SLC16A7: variants seen among roughly 807,000 people sequenced by gnomAD.
The protein encoded by SLC16A7 is solute carrier family 16 member 7, also known as monocarboxylate transporter 2.
Under a neutral mutation model 34.9 loss-of-function variants are expected in SLC16A7, and 33 were observed. That is an observed-to-expected ratio of 0.94 (90% CI 0.72 to 1.26). The LOEUF is 1.26. Among genes scored for constraint, SLC16A7 ranks in the 50% most tolerant of loss-of-function variants. The pLI, the probability that SLC16A7 is intolerant of heterozygous loss-of-function variation, is 0.00. For missense variants in SLC16A7, 573 were observed against 578.1 expected, an observed-to-expected ratio of 0.99 and a Z score of 0.09; for synonymous variants, 201 against 206.6, an observed-to-expected ratio of 0.97 and a Z score of 0.23.
chr12:59,756,501 T>A (rs11173132), intron 3 of SLC16A7, among the ~76,000 whole-genome samples: 6,995 of 151,916 alleles, frequency 0.046, 398 homozygotes, highest in East Asian at 0.18. Context: ...AAAACACATG[T>A]AAAAATGCTC....
chr12:59,698,405 A>G (rs894412585), intron 2 of SLC16A7, among the ~76,000 whole-genome samples: 2 of 151,666 alleles, frequency 1.3e-5, no homozygotes, highest in Non-Finnish European at 3.0e-5. Flanking sequence ...TATTTACTGC[A>G]TTTGTTGTTT....
intron 3 of SLC16A7, among the ~76,000 whole-genome samples, chr12:59,719,136 G>A (rs1361650172): frequency 6.6e-6 from 1 of 152,098 alleles, no homozygotes; most frequent in African/African-American, 2.4e-5. Flanking sequence ...CACAAAATGA[G>A]CACCATTCTT....
intron 3 of SLC16A7, among the ~76,000 whole-genome samples, chr12:59,727,835 G>T (rs921106352): frequency 5.3e-5 from 8 of 152,066 alleles, no homozygotes; most frequent in African/African-American, 1.9e-4. Flanking sequence ...ATTGGTTAAT[G>T]ACAAATTTTA....
intron 1 of SLC16A7, among the ~76,000 whole-genome samples, chr12:59,633,797 C>T (rs1880297868): frequency 6.6e-6 from 1 of 151,990 alleles, no homozygotes; most frequent in South Asian, 2.1e-4. Context: ...ACTTTAAAAC[C>T]ATCAGATCTC....
intron 3 of SLC16A7, among the ~76,000 whole-genome samples, chr12:59,754,819 G>A (rs946135156): frequency 1.3e-5 from 2 of 152,116 alleles, no homozygotes; most frequent in African/African-American, 4.8e-5. Context: ...GAGAATTTTA[G>A]ACCAATATCC....
chr12:59,726,652 A>G (rs1876277217), intron 3 of SLC16A7, among the ~76,000 whole-genome samples: 1 of 152,126 alleles, frequency 6.6e-6, no homozygotes, highest in African/African-American at 2.4e-5. Flanking sequence ...TTAAAAGGGT[A>G]CAGAACCAAG....
In SLC16A7 at chr12:59,786,941, C is replaced by T. The variant is rs1592294450; in HGVS notation, c.*7262C>T. ...AATATATTTTTCCAATCATGGTTTG[C>T]AAAATCATGTTTGCAAACTTACTTT... On this transcript the variant is annotated 3_prime_UTR_variant, in exon 6 of 6. Transcript: ENST00000547379. 1 of 152,082 alleles carries T rather than the reference C, an allele frequency of 6.6e-6. No individual in the cohort carries two copies. Among genetic ancestry groups the T allele is most frequent in the Non-Finnish European group, 1.5e-5 (1 of 67,994 alleles). 9.4% of individuals were successfully genotyped at this position (152,082 alleles called of 1,614,324 possible). A position where few individuals can be genotyped will look rare whatever the true frequency, so the allele number is the denominator to read the frequency against.
intron 2 of SLC16A7, among the ~76,000 whole-genome samples, chr12:59,697,169 T>A (rs533831559): frequency 2.6e-5 from 4 of 151,936 alleles, no homozygotes; most frequent in Non-Finnish European, 5.9e-5. Context: ...TAGAAAAACA[T>A]GAATTTAATA....
At chr12:59,731,813 T>C (rs904491553) in intron 3 of SLC16A7, among the ~76,000 whole-genome samples, 1 of 152,188 alleles carries the variant, frequency 6.6e-6, no homozygotes, top group Non-Finnish European at 1.5e-5. Flanking sequence ...CATTTTGTAA[T>C]GAGGATTTAA....
chr12:59,682,305 A>G (rs113303046), intron 2 of SLC16A7, among the ~76,000 whole-genome samples: 10,824 of 152,296 alleles, frequency 0.071, 430 homozygotes, highest in Middle Eastern at 0.17. Context: ...ATAATTAAAC[A>G]TACATAAATT....
chr12:59,738,607 C>T (rs1487790399), intron 3 of SLC16A7, among the ~76,000 whole-genome samples: 1 of 152,144 alleles, frequency 6.6e-6, no homozygotes, highest in African/African-American at 2.4e-5. Context: ...TTTTGCTTGT[C>T]ACTAATTTTG....
At chr12:59,660,152 T>G (rs1188683660) in intron 2 of SLC16A7, among the ~76,000 whole-genome samples, 3 of 152,102 alleles carry the variant, frequency 2.0e-5, no homozygotes, top group Admixed American at 6.6e-5. Context: ...TTAGATTTTT[T>G]TTTAAAAAAC....
In SLC16A7 at chr12:59,596,553, G is replaced by T. The variant is rs1297642354; in HGVS notation, c.-130+317G>T. 6.6e-6 allele frequency among the ~76,000 whole-genome samples: 1 copy of T among 152,016 alleles called. No individual in the cohort carries two copies. The highest frequency in any genetic ancestry group is 1.5e-5 in the Non-Finnish European group (1 of 68,004). The stretch of plus-strand genomic sequence containing the variant: ...GTGCTTTCGGCCAGGAGGTGCTCAC[G>T]CTCTCGGCTTTTACACCGAGACTCA... On this transcript the variant is annotated intron_variant, in intron 1 of 5. Transcript: ENST00000547379. The surrounding 1 kb of genome is among the most constrained non-coding windows in gnomAD (Gnocchi z 5.0).
intron 3 of SLC16A7, among the ~76,000 whole-genome samples, chr12:59,716,469 G>T (rs1874915611): frequency 6.6e-6 from 1 of 152,190 alleles, no homozygotes; most frequent in South Asian, 2.1e-4. Context: ...TGATGTGTGT[G>T]CAGGCGATTT....
intron 3 of SLC16A7, chr12:59,769,156 A>C (rs1881976944): frequency 6.6e-6 from 1 of 152,170 alleles, no homozygotes; most frequent in African/African-American, 2.4e-5. Context: ...TTAGCAATAA[A>C]ATATTTTTAA....
At chr12:59,646,278 G>A (rs542730039) in intron 1 of SLC16A7, among the ~76,000 whole-genome samples, 27 of 152,120 alleles carry the variant, frequency 1.8e-4, no homozygotes, top group Non-Finnish European at 3.4e-4. Context: ...TCCTGGGCTG[G>A]GCCCAGGGCC....
In SLC16A7 at chr12:59,672,786, TA is replaced by T. The variant is rs533027120; in HGVS notation, c.-31+17537del. On this transcript the variant is annotated intron_variant, in intron 2 of 5. Transcript: ENST00000547379. ...AAATCTAAAGTGCATCACAGTTCTG[TA>T]TTACCTATTGCAGTTAGATATGCAT... Among the ~76,000 whole-genome samples, 380 of 152,278 alleles carry T rather than the reference TA, an allele frequency of 2.5e-3. 2 individuals are homozygous for T. The highest frequency in any genetic ancestry group is 0.017 in the Middle Eastern group (5 of 294).
At chr12:59,774,546 G>T (rs1171415505) in intron 4 of SLC16A7, 111 bp from the exon 5 acceptor site, 1 of 623,094 alleles carries the variant, frequency 1.6e-6, no homozygotes, top group Non-Finnish European at 2.8e-6. Flanking sequence ...ATATGATATT[G>T]CGTTTTTAAT....
Position 59,779,525 on chromosome 12 carries a change from A to C in SLC16A7, c.1283A>C (p.Asn428Thr), listed in dbSNP as rs760539189. ...TGGCTGCTCATTGGCAATGCTATCAACTATAGATTGCTTGCAAAGGAAAGG... is the reference window on the plus strand; with the variant it reads ...TGGCTGCTCATTGGCAATGCTATCACCTATAGATTGCTTGCAAAGGAAAGG... ...SVWLLIGNAI[N>T]YRLLAKERKE... The change falls in exon 6 of 6, where the codon AAC becomes ACC. Residue 428 changes from asparagine to threonine, a missense_variant. By Grantham distance (65) the Asn-to-Thr change is moderately conservative. Transcript: ENST00000547379. The C allele has an allele frequency of 1.4e-5, 23 of 1,613,106 alleles. No homozygotes were observed. Among genetic ancestry groups the C allele is most frequent in the Non-Finnish European group, 2.0e-5 (23 of 1,179,430 alleles).
Sources: gnomAD v4.1 joint callset for allele counts (sites outside exome capture counted in the v4.1 genomes callset) on GRCh38, gnomAD v4.1.1 for gene constraint, Gnocchi (gnomAD v3.1) non-coding constraint, MANE v1.5 for transcripts, NCBI Gene and HGNC (gene_info 2026-07-23, HGNC 2026-07-21) for gene names.